ST18: variants seen among roughly 807,000 people sequenced by gnomAD.
ST18 encodes the protein ST18 C2H2C-type zinc finger transcription factor.
A neutral mutation model predicts 110.0 loss-of-function variants in ST18; 50 were observed. That is an observed-to-expected ratio of 0.45 (90% CI 0.36 to 0.58). The LOEUF is 0.58. Ranked by LOEUF, ST18 falls within the 20% of genes least tolerant of loss-of-function variation. ST18 has a pLI of 0.00. For missense variants in ST18, 1,306 were observed against 1,280.1 expected, an observed-to-expected ratio of 1.02 and a Z score of -0.31; for synonymous variants, 461 against 452.4, an observed-to-expected ratio of 1.02 and a Z score of -0.24.
intron 2 of ST18, among the ~76,000 whole-genome samples, chr8:52,400,991 T>G (rs1235553384): frequency 1.3e-5 from 2 of 152,168 alleles, no homozygotes; most frequent in African/African-American, 4.8e-5. Flanking sequence ...CCCTAAATAT[T>G]TCTTATAAGG....
chr8:52,124,152 G>A (rs1179617515), intron 23 of ST18, among the ~76,000 whole-genome samples: 3 of 151,458 alleles, frequency 2.0e-5, no homozygotes, highest in Admixed American at 6.6e-5. Context: ...TCTTATCTTC[G>A]ACTTTCCTTT....
chr8:52,293,871 A>C (rs1024899723), intron 2 of ST18, among the ~76,000 whole-genome samples: 7 of 152,228 alleles, frequency 4.6e-5, no homozygotes, highest in African/African-American at 1.7e-4. Context: ...TATATCAATA[A>C]TTTCTTGTCC....
chr8:52,388,092 C>G (rs529616802), intron 2 of ST18, among the ~76,000 whole-genome samples: 1 of 152,250 alleles, frequency 6.6e-6, no homozygotes, highest in South Asian at 2.1e-4. Context: ...TGCTGTAACG[C>G]TTGTTTCGAA....
chr8:52,337,202 A>G (rs928661405), intron 2 of ST18, among the ~76,000 whole-genome samples: 1 of 152,242 alleles, frequency 6.6e-6, no homozygotes, highest in Non-Finnish European at 1.5e-5. Context: ...TACACGATGG[A>G]AAGTCAACAA....
chr8:52,213,176 T>C (rs2082829440), intron 7 of ST18, among the ~76,000 whole-genome samples: 1 of 152,152 alleles, frequency 6.6e-6, no homozygotes, highest in African/African-American at 2.4e-5. Flanking sequence ...AAAAATCTAA[T>C]ATGAGCACAG....
At chr8:52,339,872 G>C (rs367686653) in intron 2 of ST18, among the ~76,000 whole-genome samples, 1 of 152,034 alleles carries the variant, frequency 6.6e-6, no homozygotes, top group Non-Finnish European at 1.5e-5. Context: ...CTCTTCCCAC[G>C]CCTATTAAGT....
intron 2 of ST18, among the ~76,000 whole-genome samples, chr8:52,329,897 G>A (rs1376262479): frequency 6.6e-6 from 1 of 152,202 alleles, no homozygotes; most frequent in African/African-American, 2.4e-5. Flanking sequence ...GTATCCAAAA[G>A]GATCAGCCAT....
chr8:52,246,521 C>G (rs189536599), intron 2 of ST18: 1 of 150,586 alleles, frequency 6.6e-6, no homozygotes, highest in African/African-American at 2.5e-5. Context: ...ACTAATAAAA[C>G]TCTGCATAAT....
At chr8:52,373,895 G>T (rs1490704065) in intron 2 of ST18, among the ~76,000 whole-genome samples, 1 of 152,206 alleles carries the variant, frequency 6.6e-6, no homozygotes, top group Non-Finnish European at 1.5e-5. Flanking sequence ...TCAGGAGCAC[G>T]CATCTCAAGT....
At position 52,178,445 on chromosome 8, in the gene ST18, A is replaced by G. The variant is rs148060582; in HGVS notation, c.277+1677T>C. 9.4e-3 allele frequency among the ~76,000 whole-genome samples: 1,431 copies of G among 151,522 alleles called. 19 individuals carry two copies. The highest frequency in any genetic ancestry group is 0.027 in the Middle Eastern group (8 of 294). On this transcript the variant is annotated intron_variant, in intron 9 of 25. Coordinates refer to ENST00000689386, the MANE Select transcript of ST18 (RefSeq NM_001352837.2). ...AGTTTGAGACCAGCTTAGCCAACAT[A>G]GTGAAACCCTGTCTCTACCAAAAAT...
chr8:52,173,363 T>C (rs1256054413), intron 9 of ST18, among the ~76,000 whole-genome samples: 2 of 152,322 alleles, frequency 1.3e-5, no homozygotes, highest in South Asian at 2.1e-4. Context: ...CTAGCTGTTT[T>C]CAGTACAAGG....
intron 2 of ST18, among the ~76,000 whole-genome samples, chr8:52,277,770 T>A (rs1443520515): frequency 6.6e-6 from 1 of 152,202 alleles, no homozygotes; most frequent in Non-Finnish European, 1.5e-5. Flanking sequence ...AAGGATTACT[T>A]AAAAGTTCTA....
rs371786872 is a variant in ST18 at position 52,165,188 on chromosome 8, C to T, written c.1242G>A (p.Thr414=). Residue 414 remains threonine (T), a synonymous_variant, in exon 12 of 26, where the codon ACG becomes ACA. Coordinates refer to ENST00000689386, the MANE Select transcript of ST18 (RefSeq NM_001352837.2). Reference sequence around the variant, plus strand: ...CATGACCCCTTCCTGTGCATCCCGGCGTGGGACACTTGAGCACATTTTCAT... The same window carrying T: ...CATGACCCCTTCCTGTGCATCCCGGTGTGGGACACTTGAGCACATTTTCAT... ...AMHENVLKCP[T]PGCTGRGHVN... The T allele has an allele frequency of 2.6e-5, 42 of 1,614,020 alleles. No homozygotes were observed. Among genetic ancestry groups the T allele is most frequent in the Admixed American group, 8.3e-5 (5 of 59,998 alleles).
intron 2 of ST18, among the ~76,000 whole-genome samples, chr8:52,318,147 A>G (rs886238475): frequency 6.6e-6 from 1 of 152,212 alleles, no homozygotes. Flanking sequence ...AAAGCCTAAT[A>G]TCCAGCATCT....
At position 52,300,087 on chromosome 8, in the gene ST18, T is replaced by C. The variant is rs867586918; in HGVS notation, c.-464-70010A>G. 9.8e-5 allele frequency among the ~76,000 whole-genome samples: 15 copies of C among 152,362 alleles called. 1 individual carries two copies. The South Asian group carries it at 1.2e-3, about 13-fold the overall frequency. On this transcript the variant is annotated intron_variant, in intron 2 of 25. Coordinates refer to ENST00000689386, the MANE Select transcript of ST18 (RefSeq NM_001352837.2). The stretch of plus-strand genomic sequence containing the variant: ...TAAATGGTTTTCAGCCTTCCGTTGA[T>C]TCCTTCTGCTTATTTAGCTCAGTGG...
chr8:52,117,765 C>A (rs2043062679), intron 24 of ST18, among the ~76,000 whole-genome samples: 1 of 152,164 alleles, frequency 6.6e-6, no homozygotes, highest in African/African-American at 2.4e-5. Context: ...TCTTTTGCTG[C>A]TAACTTGTTG....
chr8:52,164,034 T>G lies in ST18; in HGVS notation c.1352A>C (p.Asn451Thr), dbSNP rs750692526. ...CCCAGTTTGGGGAGAATCAAGCTGA[T>G]TTTTATCCTGGGACATTGCCAATTT... is the stretch of plus-strand genomic sequence containing the variant. Reference protein sequence around the residue: ...AEKLAMSQDKNQLDSPQTGQC... With the variant: ...AEKLAMSQDKTQLDSPQTGQC... Residue 451 changes from asparagine (N) to threonine (T), a missense_variant, in exon 13 of 26, where the codon AAT (asparagine) becomes ACT (threonine). Physicochemically the swap from Asn to Thr is moderately conservative, Grantham distance 65. Coordinates refer to ENST00000689386, the MANE Select transcript of ST18 (RefSeq NM_001352837.2). The G allele has an allele frequency of 6.2e-7, 1 of 1,614,140 alleles. No individual in the cohort carries two copies. The highest frequency in any genetic ancestry group is 2.2e-5 in the East Asian group (1 of 44,880).
intron 22 of ST18, among the ~76,000 whole-genome samples, chr8:52,130,082 G>GAA (rs2048648813): frequency 1.0e-5 from 1 of 99,906 alleles, no homozygotes; most frequent in Non-Finnish European, 2.1e-5. Flanking sequence ...GAGAGAGAGA[G>GAA]AGAAAGAAAG....
chr8:52,399,055 G>A (rs1048259374), intron 2 of ST18, among the ~76,000 whole-genome samples: 2 of 152,004 alleles, frequency 1.3e-5, no homozygotes, highest in Non-Finnish European at 2.9e-5. Context: ...CAGCTCTGAA[G>A]CCAACTGGTC....
Sources: gnomAD v4.1 joint callset for allele counts (sites outside exome capture counted in the v4.1 genomes callset) on GRCh38, gnomAD v4.1.1 for gene constraint, MANE v1.5 for transcripts, NCBI Gene and HGNC (gene_info 2026-07-23, HGNC 2026-07-21) for gene names.